Variants in RP1 observed in about 807,000 individuals in gnomAD.
The protein encoded by RP1 is oxygen-regulated protein 1.
A neutral mutation model predicts 14.8 loss-of-function variants in RP1; 16 were observed. The ratio of observed to expected loss-of-function variants is 1.08; its 90% CI spans 0.73 to 1.65. The LOEUF (loss-of-function observed/expected upper bound fraction) is 1.65. RP1 is among the 40% of genes most tolerant of loss of function. The pLI is 0.00. For missense variants in RP1, 2,631 were observed against 2,535.0 expected (o/e 1.04, Z -0.81); for synonymous variants, 876 against 883.6 (o/e 0.99, Z 0.15).
chr8:54,559,371 A>C (rs1160585729), intron 1 of RP1: 2 of 152,206 alleles, frequency 1.3e-5, no homozygotes, highest in Non-Finnish European at 2.9e-5. Flanking sequence ...AGGGAATGAT[A>C]ACGAACATTT....
chr8:54,803,243 G>A (rs1810756925), intron 24 of RP1, among the ~76,000 whole-genome samples: 1 of 152,104 alleles, frequency 6.6e-6, no homozygotes, highest in African/African-American at 2.4e-5. Context: ...TAAATGGACT[G>A]GGACTCTATA....
chr8:54,868,715 C>T (rs1339023571), intron 28 of RP1, among the ~76,000 whole-genome samples: 1 of 152,114 alleles, frequency 6.6e-6, no homozygotes, highest in Non-Finnish European at 1.5e-5. Flanking sequence ...ATTGTTTTGT[C>T]AGAAAGTTCT....
downstream of RP1, among the ~76,000 whole-genome samples, chr8:54,773,210 C>T (rs549670345): frequency 6.6e-6 from 1 of 152,156 alleles, no homozygotes; most frequent in East Asian, 1.9e-4. Context: ...ACCTAGTGGC[C>T]CCTTTTATTA....
chr8:54,754,737 G>A (rs1809457430), intron 19 of RP1: 1 of 1,431,750 alleles, frequency 7.0e-7, no homozygotes. Context: ...GGGATGCATT[G>A]TGAATTCCAA....
rs1365908727 is a variant in RP1 at position 54,626,256 on chromosome 8, A to T, written c.2374A>T (p.Lys792Ter). 6 of 1,613,572 alleles carry T rather than the reference A, an allele frequency of 3.7e-6. No individual in the cohort carries two copies. Among genetic ancestry groups the T allele is most frequent in the Non-Finnish European group, 5.1e-6 (6 of 1,179,732 alleles). Residue 792 changes from lysine (K) to a stop codon, truncating the protein, a stop_gained, in exon 4 of 4, where the codon AAA (lysine) becomes TAA (stop). Transcript: ENST00000220676. LOFTEE classifies it low-confidence loss of function (END_TRUNC). ...LNKISLGAPK[K>*]REIGQRDKVF... ...TAAAATAAGCTTAGGAGCACCTAAA[A>T]AAAGAGAAATCGGTCAAAGAGATAA...
At chr8:54,845,941 A>G (rs1194366829) in intron 25 of RP1, among the ~76,000 whole-genome samples, 3 of 152,230 alleles carry the variant, frequency 2.0e-5, no homozygotes, top group Non-Finnish European at 1.5e-5. Flanking sequence ...AGACACATAT[A>G]GAAGTCTGAT....
chr8:54,835,822 A>G (rs1038544994), intron 24 of RP1, among the ~76,000 whole-genome samples: 3 of 152,174 alleles, frequency 2.0e-5, no homozygotes, highest in African/African-American at 7.2e-5. Flanking sequence ...ATTTTGCCTT[A>G]GGGTGCATTT....
chr8:54,760,962 G>C (rs1809623995), intron 22 of RP1, among the ~76,000 whole-genome samples: 1 of 152,102 alleles, frequency 6.6e-6, no homozygotes, highest in South Asian at 2.1e-4. Flanking sequence ...AAGAGGACTT[G>C]GGTGTCATTT....
At chr8:54,658,348 G>A (rs889763751) in intron 6 of RP1, among the ~76,000 whole-genome samples, 2 of 149,484 alleles carry the variant, frequency 1.3e-5, no homozygotes, top group African/African-American at 5.1e-5. Context: ...TCAGGAGATC[G>A]AGACCATCCC....
rs147903893 is a variant in RP1 at position 54,607,303 on chromosome 8, G to A, written c.-12-13652G>A. Among the ~76,000 whole-genome samples the A allele has an allele frequency of 1.5e-3, 226 of 152,296 alleles. 3 individuals are homozygous for A. In the East Asian group the frequency reaches 0.038, roughly 26 times the overall value. On this transcript the variant is annotated intron_variant, in intron 1 of 22. Transcript: ENST00000636932. The stretch of plus-strand genomic sequence containing the variant: ...TGCAGGTCTGTTGGAGTTTCCTGGA[G>A]GTCCACTCCAGACCCTGTTTGCCTG...
At chr8:54,647,943 G>T (rs534640050) in intron 3 of RP1, among the ~76,000 whole-genome samples, 27 of 152,186 alleles carry the variant, frequency 1.8e-4, no homozygotes, top group Admixed American at 4.6e-4. Context: ...CAATTCCCAG[G>T]TGTTGAGGGA....
intron 24 of RP1, among the ~76,000 whole-genome samples, chr8:54,791,624 A>C (rs1810467923): frequency 1.3e-5 from 2 of 152,110 alleles, no homozygotes. Context: ...TAGACAATTA[A>C]ATTTAAATTA....
chr8:54,720,184 C>T lies in RP1; in HGVS notation c.2267C>T (p.Ser756Phe), dbSNP rs750057815. ...ATTAAGAAGAACTTGAAGAATGCATCCATAAGCCTGGAATCTACGAAGAGC... is the reference window on the plus strand; with the variant it reads ...ATTAAGAAGAACTTGAAGAATGCATTCATAAGCCTGGAATCTACGAAGAGC... The change falls in exon 16 of 23, where the codon TCC becomes TTC. Residue 756 changes from serine to phenylalanine, a missense_variant. By Grantham distance (155) the Ser-to-Phe change is radical. Coordinates refer to the RP1 transcript ENST00000636932. The T allele has an allele frequency of 2.0e-6, 3 of 1,535,718 alleles. No homozygotes were observed. In the South Asian group the frequency reaches 3.6e-5, roughly 18 times the overall value.
chr8:54,753,259 C>T (rs2129366012), intron 19 of RP1, among the ~76,000 whole-genome samples: 1 of 152,324 alleles, frequency 6.6e-6, no homozygotes, highest in Middle Eastern at 3.4e-3. Context: ...CCTGTATTGA[C>T]AAATACCCAT....
chr8:54,587,867 A>AT (rs1326767903), intron 1 of RP1, among the ~76,000 whole-genome samples: 2 of 151,940 alleles, frequency 1.3e-5, no homozygotes, highest in Non-Finnish European at 2.9e-5. Context: ...CCTTCTTTAC[A>AT]TTTTTTCCTC....
At chr8:54,659,666 A>G (rs1806839586) in intron 6 of RP1, among the ~76,000 whole-genome samples, 1 of 152,174 alleles carries the variant, frequency 6.6e-6, no homozygotes, top group African/African-American at 2.4e-5. Flanking sequence ...TGTGAGGCTT[A>G]TAACTTTGAT....
At chr8:54,741,463 C>G (rs1466763304) in intron 19 of RP1, among the ~76,000 whole-genome samples, 1 of 151,752 alleles carries the variant, frequency 6.6e-6, no homozygotes, top group Non-Finnish European at 1.5e-5. Flanking sequence ...TCCTGTAGTA[C>G]AGTAACATGC....
intron 24 of RP1, among the ~76,000 whole-genome samples, chr8:54,791,507 G>A (rs1390939952): frequency 6.6e-6 from 1 of 152,062 alleles, no homozygotes; most frequent in African/African-American, 2.4e-5. Context: ...AGTTAAAAAT[G>A]TATTAAAAAT....
intron 28 of RP1, chr8:54,869,775 C>G (rs976782237): frequency 3.5e-6 from 2 of 575,928 alleles, no homozygotes; most frequent in African/African-American, 3.9e-5. Flanking sequence ...TTTTTTTTTC[C>G]TTTCTAACTA....
Sources: allele counts gnomAD v4.1 joint callset (sites outside exome capture counted in the v4.1 genomes callset), GRCh38; gene constraint gnomAD v4.1.1; transcripts MANE v1.5; gene names NCBI Gene and HGNC (gene_info 2026-07-23, HGNC 2026-07-21).